The following ODAD4 variants were observed in gnomAD, a reference collection of about 807,000 sequenced individuals.
ODAD4 encodes the protein outer dynein arm docking complex subunit 4.
Under a neutral mutation model 51.8 loss-of-function variants are expected in ODAD4, and 49 were observed. The ratio of observed to expected loss-of-function variants is 0.95; its 90% CI spans 0.75 to 1.20. The LOEUF (loss-of-function observed/expected upper bound fraction) is 1.20, where lower values mean the gene tolerates loss of function less well. ODAD4 is among the 50% of genes most tolerant of loss of function. The probability of loss-of-function intolerance (pLI) is 0.00; values close to 1 mark genes in which losing one functional copy is unlikely to be tolerated. For synonymous variants in ODAD4, 235 were observed against 221.3 expected (o/e 1.06, Z -0.55); for missense variants, 590 against 586.5 (o/e 1.01, Z -0.06).
intron 1 of ODAD4, 60 bp from the exon 2 acceptor site, chr17:41,935,157 C>T: frequency 6.2e-7 from 1 of 1,605,086 alleles, no homozygotes; most frequent in Non-Finnish European, 8.5e-7. Context: ...CTGCCCTTCC[C>T]ACTCCAGCTT....
At position 41,945,153 on chromosome 17, in the gene ODAD4, A is replaced by T; in HGVS notation, c.1076A>T (p.Lys359Ile). 6.8e-6 allele frequency: 11 copies of T among 1,613,320 alleles called. No homozygotes were observed. The highest frequency in any genetic ancestry group is 9.3e-6 in the Non-Finnish European group (11 of 1,179,702). The change falls in exon 8 of 12, where the codon AAA (lysine) becomes ATA (isoleucine). Residue 359 changes from lysine to isoleucine, a missense_variant. Physicochemically the swap from Lys to Ile is moderately radical, Grantham distance 102. Coordinates refer to ENST00000377540, the MANE Select transcript of ODAD4 (RefSeq NM_031421.5). ...IAKEYDLPDA[K>I]SRALDNIGRV... is the part of the protein sequence containing the mutation. ...CCCCACAGTGACCTTCCTGATGCAAAATCGAGAGCCCTTGACAACATTGGC... is the reference window on the plus strand; with the variant it reads ...CCCCACAGTGACCTTCCTGATGCAATATCGAGAGCCCTTGACAACATTGGC...
At chr17:41,959,203 C>A (rs1306417444) in intron 10 of ODAD4, among the ~76,000 whole-genome samples, 1 of 152,140 alleles carries the variant, frequency 6.6e-6, no homozygotes, top group African/African-American at 2.4e-5. Flanking sequence ...TCCAGGTGGA[C>A]GCACAAGCTT....
intron 8 of ODAD4, 92 bp from the exon 9 acceptor site, chr17:41,949,061 T>C: frequency 2.5e-6 from 1 of 397,666 alleles, no homozygotes. Flanking sequence ...AGAACAAGTT[T>C]TATTCCGCCA....
At chr17:41,954,981 C>A in intron 9 of ODAD4, 2 of 625,554 alleles carry the variant, frequency 3.2e-6, no homozygotes, top group South Asian at 3.1e-5. Flanking sequence ...CTCACCAACG[C>A]CTTTGAATGA....
chr17:41,959,840 A>G (rs1268649812), intron 10 of ODAD4, among the ~76,000 whole-genome samples: 1 of 152,042 alleles, frequency 6.6e-6, no homozygotes, highest in Non-Finnish European at 1.5e-5. Context: ...GGACTGTGGT[A>G]AGGCTAACAC....
intron 8 of ODAD4, among the ~76,000 whole-genome samples, chr17:41,948,240 T>C (rs1458075553): frequency 6.6e-6 from 1 of 152,096 alleles, no homozygotes; most frequent in East Asian, 1.9e-4. Context: ...TACTCTTTTA[T>C]TGATACTGTG....
chr17:41,964,971 C>T (rs1341919518), intron 11 of ODAD4, 22 bp from the exon 12 acceptor site: 1 of 682,050 alleles, frequency 1.5e-6, no homozygotes, highest in Non-Finnish European at 2.7e-6. Flanking sequence ...ATCTTTCTTC[C>T]CGCTTTTCTC....
At chr17:41,942,214 G>A (rs1223119691) in intron 7 of ODAD4, among the ~76,000 whole-genome samples, 1 of 152,140 alleles carries the variant, frequency 6.6e-6, no homozygotes, top group Non-Finnish European at 1.5e-5. Flanking sequence ...AGGATGACAG[G>A]TGTGAGCCAC....
chr17:41,953,704 G>A (rs2050690632), intron 9 of ODAD4, among the ~76,000 whole-genome samples: 1 of 150,722 alleles, frequency 6.6e-6, no homozygotes, highest in Non-Finnish European at 1.5e-5. Flanking sequence ...GTCTCACTCT[G>A]TCACCCAGGC....
intron 2 of ODAD4, 49 bp from the exon 3 acceptor site, chr17:41,935,550 C>A: frequency 1.3e-6 from 2 of 1,578,478 alleles, no homozygotes; most frequent in Non-Finnish European, 1.7e-6. Flanking sequence ...ACATGTGAGT[C>A]CTATAAGGCC....
At chr17:41,931,070 C>G in intron 1 of ODAD4, among the ~76,000 whole-genome samples, 1 of 151,530 alleles carries the variant, frequency 6.6e-6, no homozygotes, top group East Asian at 1.9e-4. Flanking sequence ...ATTATTTTGT[C>G]TTTTTAGTAG....
intron 10 of ODAD4, among the ~76,000 whole-genome samples, chr17:41,959,640 C>A (rs1053997542): frequency 2.0e-5 from 3 of 152,114 alleles, no homozygotes; most frequent in Non-Finnish European, 4.4e-5. Context: ...GCGCTGAGGG[C>A]TGGTGGCCGG....
chr17:41,936,716 T>C (rs2050433127), intron 4 of ODAD4, 46 bp from the exon 5 acceptor site: 3 of 1,608,750 alleles, frequency 1.9e-6, no homozygotes, highest in African/African-American at 2.7e-5. Flanking sequence ...CTGGGTACAC[T>C]CTGCTCCTTG....
chr17:41,946,082 C>T (rs2050580804), intron 8 of ODAD4, among the ~76,000 whole-genome samples: 2 of 152,300 alleles, frequency 1.3e-5, no homozygotes, highest in Non-Finnish European at 2.9e-5. Flanking sequence ...CCCTCCTTAC[C>T]CTTGGGAGGT....
In ODAD4 at chr17:41,939,097, A is replaced by G; in HGVS notation, c.983A>G (p.Asn328Ser). The change falls in exon 7 of 12, where the codon AAT becomes AGT. Residue 328 changes from asparagine (N) to serine (S), a missense_variant. Transcript: ENST00000377540. ...GGAAACTTGTATAGCTGCATAGGGA[A>G]TGCCCAGATTGAGCTGGGGCAGATG... ...LVGNLYSCIG[N>S]AQIELGQMEA... 6.2e-7 allele frequency: 1 copy of G among 1,614,022 alleles called. No homozygotes were observed. The highest frequency in any genetic ancestry group is 1.1e-5 in the South Asian group (1 of 91,082).
At chr17:41,944,444 A>ACC (rs10578034) in intron 7 of ODAD4, among the ~76,000 whole-genome samples, 546 of 19,404 alleles carry the variant, frequency 0.028, 7 homozygotes, top group Middle Eastern at 0.059. Context: ...ACACACACAC[A>ACC]CCCCCCCGCA....
At chr17:41,952,565 A>AAC in intron 9 of ODAD4, 3 of 341,110 alleles carry the variant, frequency 8.8e-6, no homozygotes, top group East Asian at 7.4e-5. Flanking sequence ...AAAAAAAAAA[A>AAC]AAAACAGAAA....
intron 3 of ODAD4, among the ~76,000 whole-genome samples, chr17:41,936,197 C>T (rs984969765): frequency 9.2e-5 from 14 of 152,186 alleles, no homozygotes; most frequent in Admixed American, 1.3e-4. Flanking sequence ...CTTGCTCTGT[C>T]GGTGGCAAGG....
At chr17:41,955,881 T>C (rs1272929437) in intron 10 of ODAD4, among the ~76,000 whole-genome samples, 2 of 152,032 alleles carry the variant, frequency 1.3e-5, no homozygotes, top group African/African-American at 4.8e-5. Flanking sequence ...GGCACTGTTA[T>C]GGCTCATTGC....
Sources: allele counts gnomAD v4.1 joint callset (sites outside exome capture counted in the v4.1 genomes callset), GRCh38; gene constraint gnomAD v4.1.1; transcripts MANE v1.5; gene names NCBI Gene and HGNC (gene_info 2026-07-23, HGNC 2026-07-21).